OPA1: variants seen among roughly 807,000 people sequenced by gnomAD.
The protein encoded by OPA1 is dynamin-like GTPase OPA1, mitochondrial.
Under a neutral mutation model 152.9 loss-of-function variants are expected in OPA1, and 59 were observed. That is an observed-to-expected ratio of 0.39 (90% CI 0.31 to 0.48). OPA1 has a LOEUF of 0.48. OPA1 is among the 20% of genes least tolerant of loss of function. OPA1 has a pLI of 0.96. For synonymous variants in OPA1, 400 were observed against 389.9 expected (o/e 1.03, Z -0.31); for missense variants, 1,008 against 1,216.8 (o/e 0.83, Z 2.55).
At chr3:193,631,741 T>G (rs1732111620) in intron 8 of OPA1, 76 bp downstream of exon 8, 1 of 1,322,778 alleles carries the variant, frequency 7.6e-7, no homozygotes, top group African/African-American at 1.5e-5. Flanking sequence ...TATGGACATT[T>G]ATTTTTTCAA....
At chr3:193,675,479 C>T (rs1351277940) in intron 29 of OPA1, among the ~76,000 whole-genome samples, 1 of 152,098 alleles carries the variant, frequency 6.6e-6, no homozygotes, top group South Asian at 2.1e-4. Context: ...TTTCCTCTCT[C>T]CTGGCTTTTA....
rs540476057 is a variant in OPA1, at chr3:193,611,023, G to A, written c.33-3700G>A. ...CCTCGCCCTGCTTTGGCTCATGCTC[G>A]GTGCGCTGCACCCACTGTCCTGCAC... is the stretch of plus-strand genomic sequence containing the variant. On this transcript the variant is annotated intron_variant, in intron 1 of 30. Transcript: ENST00000361510. Among the ~76,000 whole-genome samples the A allele has an allele frequency of 5.0e-4, 76 of 152,262 alleles. 1 individual carries two copies. Among genetic ancestry groups the A allele is most frequent in the African/African-American group, 1.7e-3 (70 of 41,550 alleles).
intron 11 of OPA1, among the ~76,000 whole-genome samples, chr3:193,639,339 T>C (rs1560367053): frequency 6.6e-6 from 1 of 152,166 alleles, no homozygotes; most frequent in African/African-American, 2.4e-5. Context: ...AATAGTGTTG[T>C]ACAACAAGAA....
At chr3:193,644,552 A>G (rs575822026) in intron 16 of OPA1, among the ~76,000 whole-genome samples, 14 of 151,912 alleles carry the variant, frequency 9.2e-5, no homozygotes, top group African/African-American at 3.1e-4. Flanking sequence ...TTACCAGTTA[A>G]GTTTTCAGAT....
At position 193,697,089 on chromosome 3, in the gene OPA1, T is replaced by C. The variant is rs1722312498; in HGVS notation, c.*2489T>C. 6.6e-6 allele frequency: 1 copy of C among 152,244 alleles called. No homozygotes were observed. Among genetic ancestry groups the C allele is most frequent in the Non-Finnish European group, 1.5e-5 (1 of 68,042 alleles). 9.4% of individuals were successfully genotyped at this position (152,244 alleles called of 1,614,324 possible). A position where few individuals can be genotyped will look rare whatever the true frequency, so the allele number is the denominator to read the frequency against. On this transcript the variant is annotated 3_prime_UTR_variant, in exon 31 of 31. Coordinates refer to ENST00000361510, the MANE Select transcript of OPA1 (RefSeq NM_130837.3). The stretch of plus-strand genomic sequence containing the variant: ...TAGGGAACATGGCAGAGAGTGGTGC[T>C]TCCCAGCCTCACAATGTGGGAATTT...
At chr3:193,679,892 T>A (rs1299011896) in intron 29 of OPA1, among the ~76,000 whole-genome samples, 2 of 152,208 alleles carry the variant, frequency 1.3e-5, no homozygotes, top group Non-Finnish European at 2.9e-5. Context: ...TTTAATGGAA[T>A]AAATGAAATT....
chr3:193,667,090 C>T (rs1716739102), intron 28 of OPA1, 80 bp from the exon 29 acceptor site: 1 of 747,164 alleles, frequency 1.3e-6, no homozygotes, highest in Non-Finnish European at 2.4e-6. Flanking sequence ...ATTTACTCTC[C>T]ATATATATAG....
At chr3:193,649,029 G>A (rs1711749394) in intron 21 of OPA1, among the ~76,000 whole-genome samples, 158 bp downstream of exon 21, 1 of 152,074 alleles carries the variant, frequency 6.6e-6, no homozygotes, top group South Asian at 2.1e-4. Context: ...AACTACTTTT[G>A]TAGTCTAACC....
chr3:193,605,174 G>A (rs1727071631), intron 1 of OPA1, among the ~76,000 whole-genome samples: 1 of 152,188 alleles, frequency 6.6e-6, no homozygotes, highest in African/African-American at 2.4e-5. Flanking sequence ...TTTCTTTATG[G>A]AATGCTAGAG....
At chr3:193,618,823 G>A in intron 5 of OPA1, 46 bp from the exon 6 acceptor site, 1 of 1,454,630 alleles carries the variant, frequency 6.9e-7, no homozygotes, top group Non-Finnish European at 9.7e-7. Context: ...AGCTTAGGCT[G>A]TTGACATCAC....
rs1326893085 is a variant in OPA1 at position 193,695,530 on chromosome 3, G to A, written c.*930G>A. On this transcript the variant is annotated 3_prime_UTR_variant, in exon 31 of 31. Transcript: ENST00000361510. ...AATAGAAATTATTTCAACAATTAAA[G>A]TAATGTTGACCATCCCCCTCTCAGC... 1.3e-5 allele frequency: 2 copies of A among 152,050 alleles called. No homozygotes were observed. The highest frequency in any genetic ancestry group is 3.8e-4 in the East Asian group (2 of 5,202). The allele number at this position is 152,050 out of a possible 1,614,324, so 9.4% of individuals were successfully genotyped here. A position where few individuals can be genotyped will look rare whatever the true frequency, so the allele number is the denominator to read the frequency against.
intron 7 of OPA1, among the ~76,000 whole-genome samples, chr3:193,627,844 A>G (rs1247594264): frequency 1.3e-5 from 2 of 152,074 alleles, no homozygotes; most frequent in African/African-American, 4.8e-5. Context: ...TAACCCTTTT[A>G]TATCTCCCTT....
At chr3:193,607,029 AT>A (rs1560315485) in intron 1 of OPA1, among the ~76,000 whole-genome samples, 1 of 152,098 alleles carries the variant, frequency 6.6e-6, no homozygotes, top group Non-Finnish European at 1.5e-5. Flanking sequence ...GATGATGAGC[AT>A]TTTTTCATGT....
chr3:193,678,913 G>C (rs1484797800), intron 29 of OPA1, among the ~76,000 whole-genome samples: 1 of 152,084 alleles, frequency 6.6e-6, no homozygotes, highest in Non-Finnish European at 1.5e-5. Context: ...CTATTACAAA[G>C]GTTAGCTCTT....
intron 29 of OPA1, among the ~76,000 whole-genome samples, chr3:193,676,351 C>A (rs1468508981): frequency 6.6e-6 from 1 of 151,920 alleles, no homozygotes; most frequent in Non-Finnish European, 1.5e-5. Flanking sequence ...AAAATCTGGG[C>A]TTTGTAAAAT....
intron 7 of OPA1, 119 bp downstream of exon 7, chr3:193,626,321 G>T: frequency 1.3e-6 from 1 of 763,984 alleles, no homozygotes; most frequent in South Asian, 1.5e-5. Flanking sequence ...TTGACAAAGT[G>T]AAAATATAAA....
chr3:193,656,050 G>T (rs1208261933), intron 22 of OPA1, among the ~76,000 whole-genome samples: 2 of 152,074 alleles, frequency 1.3e-5, no homozygotes, highest in Middle Eastern at 3.2e-3. Flanking sequence ...ACGTTGCTGA[G>T]CCCTGGCAGT....
rs116356915 is a variant in OPA1, at chr3:193,683,982, G to A, written c.2984-8081G>A. ...CTGCAAATTTAGCCCTCAGTTTCCT[G>A]GTGGCTGGCAGTTACAAAATGGAAA... On this transcript the variant is annotated intron_variant, in intron 29 of 30. Transcript: ENST00000361510. Among the ~76,000 whole-genome samples the A allele has an allele frequency of 5.9e-3, 896 of 152,228 alleles. 5 individuals are homozygous for A. Among genetic ancestry groups the A allele is most frequent in the Non-Finnish European group, 9.5e-3 (644 of 68,012 alleles).
In OPA1 at chr3:193,657,123, C is replaced by T; in HGVS notation, c.2222C>T (p.Thr741Ile). The T allele has an allele frequency of 6.2e-7, 1 of 1,613,758 alleles. No individual in the cohort carries two copies. Residue 741 changes from threonine (T) to isoleucine (I), a missense_variant, in exon 23 of 31, where the codon ACA becomes ATA. Transcript: ENST00000361510. ...TLQEEFSRFM[T>I]EPKGKEHDDI... The stretch of plus-strand genomic sequence containing the variant: ...CAAGAAGAATTTTCCCGCTTTATGA[C>T]AGAACCGAAAGGGAAAGAGCATGAT...
Sources: allele counts gnomAD v4.1 joint callset (sites outside exome capture counted in the v4.1 genomes callset), GRCh38; gene constraint gnomAD v4.1.1; transcripts MANE v1.5; gene names NCBI Gene and HGNC (gene_info 2026-07-23, HGNC 2026-07-21).